Variants in ROBO1 observed in about 807,000 individuals in gnomAD.
ROBO1 encodes roundabout homolog 1.
Under a neutral mutation model 195.9 loss-of-function variants are expected in ROBO1, and 149 were observed. The ratio of observed to expected loss-of-function variants is 0.76; its 90% CI spans 0.67 to 0.87. The LOEUF (loss-of-function observed/expected upper bound fraction) is 0.87, where lower values mean the gene tolerates loss of function less well. Among genes scored for constraint, ROBO1 ranks in the 40% least tolerant of loss-of-function variants. The pLI, the probability that ROBO1 is intolerant of heterozygous loss-of-function variation, is 0.00. For synonymous variants in ROBO1, 816 were observed against 733.2 expected (o/e 1.11, Z -1.82); for missense variants, 1,933 against 2,068.3 (o/e 0.93, Z 1.27).
rs544028780 is a variant in ROBO1 at position 79,254,874 on chromosome 3, T to A, written c.89-129335A>T. On this transcript the variant is annotated intron_variant, in intron 2 of 30. Coordinates refer to ENST00000464233, the MANE Select transcript of ROBO1 (RefSeq NM_002941.4). The stretch of plus-strand genomic sequence containing the variant: ...TGTCTAGCATATTCTGGTAACTTTA[T>A]AAATGTTTGTTGCATCAGTGAATGA... Among the ~76,000 whole-genome samples, 10 of 152,310 alleles carry A rather than the reference T, an allele frequency of 6.6e-5. No individual in the cohort carries two copies. In the South Asian group the frequency reaches 1.7e-3, roughly 25 times the overall value.
Position 79,459,558 on chromosome 3 carries a change from G to A in ROBO1, c.88+130266C>T, listed in dbSNP as rs748705381. On this transcript the variant is annotated intron_variant, in intron 2 of 30. Coordinates refer to ENST00000464233, the MANE Select transcript of ROBO1 (RefSeq NM_002941.4). The stretch of plus-strand genomic sequence containing the variant: ...TTCCCCAATGACTTATTAATTCTCC[G>A]CATGCATTTTTTCTCTGAAAATGTT... Among the ~76,000 whole-genome samples, 17 of 151,612 alleles carry A rather than the reference G, an allele frequency of 1.1e-4. 1 individual carries two copies. The highest frequency in any genetic ancestry group is 2.6e-4 in the Admixed American group (4 of 15,244).
At chr3:79,336,071 C>T (rs1295244106) in intron 2 of ROBO1, among the ~76,000 whole-genome samples, 3 of 152,108 alleles carry the variant, frequency 2.0e-5, no homozygotes, top group African/African-American at 7.2e-5. Context: ...GAAGAAATTT[C>T]CAAGTGGCAA....
chr3:78,646,400 T>TTA (rs1198107303), intron 20 of ROBO1, among the ~76,000 whole-genome samples: 1 of 150,188 alleles, frequency 6.7e-6, no homozygotes, highest in African/African-American at 2.4e-5. Flanking sequence ...ATATATCTAA[T>TTA]TATATATATA....
At chr3:79,361,784 T>A (rs1011329404) in intron 2 of ROBO1, among the ~76,000 whole-genome samples, 6 of 152,114 alleles carry the variant, frequency 3.9e-5, no homozygotes, top group Non-Finnish European at 7.4e-5. Flanking sequence ...AGTATTGTAT[T>A]TACCTTACTT....
rs1371623770 is a variant in ROBO1 at position 78,711,343 on chromosome 3, C to CCTCCTTTCTTTCTTTCTTT, written c.1045+3053_1045+3054insAAAGAAAGAAAGAAAGGAG. Among the ~76,000 whole-genome samples, 36 of 101,458 alleles carry CCTCCTTTCTTTCTTTCTTT rather than the reference C, an allele frequency of 3.5e-4. No homozygotes were observed. In the East Asian group the frequency reaches 4.2e-3, roughly 12 times the overall value. The allele number at this position is 101,458 out of a possible 152,430, so 66.6% of individuals were successfully genotyped here. A position where few individuals can be genotyped will look rare whatever the true frequency, so the allele number is the denominator to read the frequency against. On this transcript the variant is annotated intron_variant, in intron 8 of 30. Coordinates refer to ENST00000464233, the MANE Select transcript of ROBO1 (RefSeq NM_002941.4). ...TCTCTCTCTCCTTCCTTCCTTCCTT[C>CCTCCTTTCTTTCTTTCTTT]CTTCCTCCTTCCTTCCTTCCTTCCT...
chr3:79,465,119 C>G (rs963546600), intron 2 of ROBO1, among the ~76,000 whole-genome samples: 11 of 152,206 alleles, frequency 7.2e-5, no homozygotes, highest in African/African-American at 2.6e-4. Context: ...TGCTTTTTTT[C>G]CTGTTGTATT....
intron 25 of ROBO1, among the ~76,000 whole-genome samples, chr3:78,628,650 A>T (rs1341757121): frequency 6.6e-6 from 1 of 152,118 alleles, no homozygotes; most frequent in East Asian, 1.9e-4. Flanking sequence ...TTGATGCTCA[A>T]ATAATATTTC....
chr3:79,325,182 G>C (rs1166640932), intron 2 of ROBO1, among the ~76,000 whole-genome samples: 5 of 152,204 alleles, frequency 3.3e-5, no homozygotes, highest in Non-Finnish European at 1.5e-5. Context: ...ATTTTTACTT[G>C]AATGTGCAAA....
intron 2 of ROBO1, among the ~76,000 whole-genome samples, chr3:79,335,333 T>A (rs912726199): frequency 1.3e-5 from 2 of 152,088 alleles, no homozygotes; most frequent in Non-Finnish European, 2.9e-5. Context: ...AAATAAAGTA[T>A]CTAGGAATGG....
At chr3:79,079,311 T>C (rs1374244332) in intron 3 of ROBO1, among the ~76,000 whole-genome samples, 4 of 151,804 alleles carry the variant, frequency 2.6e-5, no homozygotes, top group African/African-American at 9.7e-5. Flanking sequence ...AAAAATAAAA[T>C]TAATTATCTG....
At chr3:79,434,549 T>C in intron 2 of ROBO1, among the ~76,000 whole-genome samples, 1 of 149,742 alleles carries the variant, frequency 6.7e-6, no homozygotes, top group Non-Finnish European at 1.5e-5. Context: ...ATGGCGATCA[T>C]TAAAAAGTCA....
chr3:79,189,883 G>A lies in ROBO1; in HGVS notation c.89-64344C>T, dbSNP rs188240989. The stretch of plus-strand genomic sequence containing the variant: ...TGATATAGAATTTATAAATTGAACA[G>A]GTACATTAGAACGTTAAGAGAATAC... On this transcript the variant is annotated intron_variant, in intron 2 of 30. Transcript: ENST00000464233. 8.4e-3 allele frequency among the ~76,000 whole-genome samples: 1,277 copies of A among 151,674 alleles called. 10 individuals are homozygous for A. Among genetic ancestry groups the A allele is most frequent in the Non-Finnish European group, 0.012 (813 of 67,706 alleles).
At chr3:79,651,912 G>A (rs1946020795) in intron 1 of ROBO1, among the ~76,000 whole-genome samples, 1 of 151,888 alleles carries the variant, frequency 6.6e-6, no homozygotes, top group African/African-American at 2.4e-5. Flanking sequence ...TTCTCTTACT[G>A]CATTTTGATT....
At chr3:79,694,614 A>G (rs1200392627) in intron 1 of ROBO1, among the ~76,000 whole-genome samples, 1 of 151,800 alleles carries the variant, frequency 6.6e-6, no homozygotes, top group Non-Finnish European at 1.5e-5. Flanking sequence ...CCCTTAAAGT[A>G]AAGTTTGAAG....
At chr3:79,150,372 G>A (rs1256650379) in intron 2 of ROBO1, among the ~76,000 whole-genome samples, 1 of 151,652 alleles carries the variant, frequency 6.6e-6, no homozygotes, top group African/African-American at 2.4e-5. Context: ...CAGTGAATGT[G>A]AAGTAATATT....
chr3:78,802,397 G>A (rs2084396624), intron 4 of ROBO1, among the ~76,000 whole-genome samples: 1 of 152,060 alleles, frequency 6.6e-6, no homozygotes, highest in Non-Finnish European at 1.5e-5. Context: ...AACTAGACAT[G>A]AAAATCTTTA....
chr3:78,923,147 C>T (rs1357699837), intron 4 of ROBO1, among the ~76,000 whole-genome samples: 1 of 152,124 alleles, frequency 6.6e-6, no homozygotes, highest in African/African-American at 2.4e-5. Context: ...GAGATACTAT[C>T]AGGTCCTTAC....
chr3:79,387,996 C>A (rs556804986), intron 2 of ROBO1, among the ~76,000 whole-genome samples: 1 of 152,048 alleles, frequency 6.6e-6, no homozygotes, highest in South Asian at 2.1e-4. Context: ...GTGATATGGA[C>A]CCATTGGAGG....
chr3:78,775,376 T>C (rs1403924520), intron 4 of ROBO1, among the ~76,000 whole-genome samples: 1 of 152,126 alleles, frequency 6.6e-6, no homozygotes. Context: ...TCATTCCTAT[T>C]TATATAATAC....
Sources: allele counts gnomAD v4.1 joint callset (sites outside exome capture counted in the v4.1 genomes callset), GRCh38; gene constraint gnomAD v4.1.1; transcripts MANE v1.5; gene names NCBI Gene and HGNC (gene_info 2026-07-23, HGNC 2026-07-21).